ENTPD1: variants seen among roughly 807,000 people sequenced by gnomAD.
ENTPD1 encodes ATP diphosphohydrolase.
In ENTPD1, 33 loss-of-function variants were observed where a neutral mutation model predicts 57.0. The ratio of observed to expected loss-of-function variants is 0.58; its 90% confidence interval spans 0.44 to 0.77. The LOEUF (loss-of-function observed/expected upper bound fraction) is 0.77, where lower values mean the gene tolerates loss of function less well. Ranked by LOEUF, ENTPD1 falls within the 30% of genes least tolerant of loss-of-function variation. The pLI is 0.00. For synonymous variants in ENTPD1, 202 were observed against 218.8 expected (o/e 0.92, Z 0.68); for missense variants, 501 against 603.4 (o/e 0.83, Z 1.78).
intron 7 of ENTPD1, among the ~76,000 whole-genome samples, chr10:95,858,246 G>C (rs750405420): frequency 2.6e-5 from 4 of 152,136 alleles, no homozygotes; most frequent in Non-Finnish European, 5.9e-5. Context: ...TCTAAGGAGG[G>C]GAAGTGGAAG....
At chr10:95,815,858 A>C (rs2098328248) in intron 1 of ENTPD1, among the ~76,000 whole-genome samples, 1 of 152,222 alleles carries the variant, frequency 6.6e-6, no homozygotes, top group Non-Finnish European at 1.5e-5. Flanking sequence ...AAGAGATCCA[A>C]GTGGGCAACT....
intron 1 of ENTPD1, among the ~76,000 whole-genome samples, chr10:95,768,360 T>C (rs1231778566): frequency 7.6e-6 from 1 of 130,762 alleles, no homozygotes; most frequent in Non-Finnish European, 1.7e-5. Context: ...ATGCTGCTGT[T>C]TTGTTTGTTT....
At chr10:95,808,716 G>C (rs900479926) in intron 1 of ENTPD1, among the ~76,000 whole-genome samples, 2 of 119,550 alleles carry the variant, frequency 1.7e-5, no homozygotes, top group Non-Finnish European at 3.5e-5. Context: ...GATTATTTTA[G>C]TTGCTTTTTT....
intron 2 of ENTPD1, 107 bp from the exon 3 acceptor site, chr10:95,839,584 A>C: frequency 8.8e-7 from 1 of 1,134,378 alleles, no homozygotes; most frequent in South Asian, 1.2e-5. Context: ...GTTCCTCTCA[A>C]ATACTTTCTC....
chr10:95,811,424 A>G (rs1254604294), intron 1 of ENTPD1, among the ~76,000 whole-genome samples: 1 of 152,140 alleles, frequency 6.6e-6, no homozygotes, highest in Non-Finnish European at 1.5e-5. Flanking sequence ...TTTACTCTGA[A>G]CTGGAAACCC....
intron 2 of ENTPD1, among the ~76,000 whole-genome samples, chr10:95,834,533 A>G (rs755568714): frequency 1.3e-5 from 2 of 152,182 alleles, no homozygotes; most frequent in Non-Finnish European, 2.9e-5. Flanking sequence ...TTTCTGAATG[A>G]GAAGAGGGTG....
chr10:95,838,147 G>A (rs1202919256), intron 2 of ENTPD1, among the ~76,000 whole-genome samples: 1 of 152,070 alleles, frequency 6.6e-6, no homozygotes, highest in Non-Finnish European at 1.5e-5. Flanking sequence ...CTTCTCTAAG[G>A]AAGATTTAAA....
At chr10:95,839,487 G>A in intron 2 of ENTPD1, 1 of 623,058 alleles carries the variant, frequency 1.6e-6, no homozygotes, top group Admixed American at 2.5e-5. Context: ...TTTCTAACAT[G>A]CAAACAGCAT....
At chr10:95,717,346 T>G (rs1259326038) in intron 1 of ENTPD1, among the ~76,000 whole-genome samples, 3 of 45,036 alleles carry the variant, frequency 6.7e-5, no homozygotes, top group African/African-American at 2.4e-4. Flanking sequence ...GGTTTTTTTT[T>G]TTTTTTTTTT....
At chr10:95,793,358 A>G (rs2098213442) in intron 1 of ENTPD1, among the ~76,000 whole-genome samples, 1 of 152,190 alleles carries the variant, frequency 6.6e-6, no homozygotes, top group Admixed American at 6.5e-5. Context: ...AATGAAGGGA[A>G]AATCCCCCTA....
intron 1 of ENTPD1, among the ~76,000 whole-genome samples, chr10:95,793,033 G>A (rs562815286): frequency 2.8e-4 from 42 of 152,268 alleles, no homozygotes; most frequent in African/African-American, 5.8e-4. Context: ...GATTCCTTAC[G>A]TCATTGCTTC....
intron 8 of ENTPD1, 143 bp from the exon 9 acceptor site, chr10:95,864,581 C>T (rs1261575309): frequency 9.1e-7 from 1 of 1,103,622 alleles, no homozygotes; most frequent in Non-Finnish European, 1.3e-6. Context: ...AGCACCACCC[C>T]CAAAACCCTC....
the ENTPD1 span, among the ~76,000 whole-genome samples, chr10:95,701,156 C>T: frequency 1.3e-5 from 2 of 152,136 alleles, no homozygotes; most frequent in Non-Finnish European, 2.9e-5. Context: ...ATAGTAATGA[C>T]AGTCAAAATA....
chr10:95,696,496 T>A, the ENTPD1 span, among the ~76,000 whole-genome samples: 1 of 152,156 alleles, frequency 6.6e-6, no homozygotes, highest in Non-Finnish European at 1.5e-5. Context: ...GCTAAGCTGG[T>A]CTCAAACTCC....
chr10:95,807,375 A>T (rs1383038053), intron 1 of ENTPD1, among the ~76,000 whole-genome samples: 3 of 152,216 alleles, frequency 2.0e-5, no homozygotes, highest in Non-Finnish European at 4.4e-5. Context: ...AAAGCACAGT[A>T]TTTGGGTGGG....
In ENTPD1 at chr10:95,727,005, A is replaced by G. The variant is rs369045073; in HGVS notation, c.37+15012A>G. Among the ~76,000 whole-genome samples, 52 of 152,312 alleles carry G rather than the reference A, an allele frequency of 3.4e-4. 1 individual carries two copies. The East Asian group carries it at 8.7e-3, about 25-fold the overall frequency. On this transcript the variant is annotated intron_variant, in intron 1 of 9. Coordinates refer to the ENTPD1 transcript ENST00000453258. ...TAAAATCCAGAGAACTCCCAAGAAC[A>G]TGAAGCTCCTTCGTCAGTGTTTCCA...
intron 1 of ENTPD1, among the ~76,000 whole-genome samples, chr10:95,809,647 G>A (rs1424145366): frequency 4.1e-5 from 6 of 145,026 alleles, no homozygotes; most frequent in Non-Finnish European, 7.6e-5. Context: ...GCGGATGCCG[G>A]GCAGAGGTGC....
chr10:95,821,014 T>G (rs972143842), intron 1 of ENTPD1, among the ~76,000 whole-genome samples: 7 of 152,238 alleles, frequency 4.6e-5, no homozygotes, highest in Non-Finnish European at 8.8e-5. Flanking sequence ...ATTCAAAATT[T>G]TATTATGGTA....
At chr10:95,767,591 A>C (rs922812974) in intron 1 of ENTPD1, among the ~76,000 whole-genome samples, 2 of 152,094 alleles carry the variant, frequency 1.3e-5, no homozygotes, top group African/African-American at 4.8e-5. Flanking sequence ...CATGAATTTA[A>C]TGAATTTTAA....
Sources: gnomAD v4.1 joint callset for allele counts (sites outside exome capture counted in the v4.1 genomes callset) on GRCh38, gnomAD v4.1.1 for gene constraint, MANE v1.5 for transcripts, NCBI Gene and HGNC (gene_info 2026-07-23, HGNC 2026-07-21) for gene names.